Variants in ITFG1 observed in about 807,000 individuals in gnomAD.
ITFG1 encodes the protein integrin alpha FG-GAP repeat containing 1.
A neutral mutation model predicts 81.8 loss-of-function variants in ITFG1; 34 were observed. The observed-to-expected ratio is 0.42, with a 90% CI of 0.32 to 0.55. The LOEUF is 0.55. Ranked by LOEUF, ITFG1 falls within the 20% of genes least tolerant of loss-of-function variation. ITFG1 has a pLI of 0.17. For missense variants in ITFG1, 672 were observed against 755.4 expected, an observed-to-expected ratio of 0.89 and a Z score of 1.29; for synonymous variants, 285 against 270.6, an observed-to-expected ratio of 1.05 and a Z score of -0.52.
intron 5 of ITFG1, among the ~76,000 whole-genome samples, chr16:47,434,705 A>T (rs1033712288): frequency 6.6e-6 from 1 of 152,150 alleles, no homozygotes; most frequent in African/African-American, 2.4e-5. Flanking sequence ...CTGGGTATAC[A>T]CACAAAGCAC....
intron 10 of ITFG1, among the ~76,000 whole-genome samples, chr16:47,306,592 T>G (rs115485558): frequency 0.02 from 3,089 of 152,062 alleles, 104 homozygotes; most frequent in African/African-American, 0.07. Context: ...TAAAAGCACT[T>G]AATAGAAAAC....
rs1210705231 is a variant in ITFG1, at chr16:47,206,901, C to G, written c.1453+11967G>C. ...CAACTCAACTCCTAAGTTTTCTACC[C>G]AAGAGAGGCCCTCCCTGATCAACCA... On this transcript the variant is annotated intron_variant, in intron 14 of 17. Coordinates refer to ENST00000320640, the MANE Select transcript of ITFG1 (RefSeq NM_030790.5). Among the ~76,000 whole-genome samples the G allele has an allele frequency of 2.0e-5, 3 of 152,214 alleles. No homozygotes were observed. The South Asian group carries it at 6.2e-4, about 32-fold the overall frequency.
chr16:47,356,438 G>A (rs1968041020), intron 8 of ITFG1, among the ~76,000 whole-genome samples: 1 of 152,110 alleles, frequency 6.6e-6, no homozygotes, highest in Admixed American at 6.5e-5. Flanking sequence ...GATAGGCAGG[G>A]GCAAGTTAAA....
intron 14 of ITFG1, among the ~76,000 whole-genome samples, chr16:47,171,787 T>C (rs924430550): frequency 8.5e-5 from 13 of 152,216 alleles, no homozygotes; most frequent in Non-Finnish European, 7.3e-5. Context: ...TTATCTTCCT[T>C]AAGTTAACCA....
At chr16:47,329,928 G>A (rs1423336627) in intron 8 of ITFG1, among the ~76,000 whole-genome samples, 1 of 152,106 alleles carries the variant, frequency 6.6e-6, no homozygotes, top group African/African-American at 2.4e-5. Context: ...ACACTCAGAA[G>A]TGTCAAATGG....
At chr16:47,352,004 A>T (rs887393442) in intron 8 of ITFG1, among the ~76,000 whole-genome samples, 2 of 152,238 alleles carry the variant, frequency 1.3e-5, no homozygotes, top group Non-Finnish European at 2.9e-5. Context: ...CTGGCTAGCC[A>T]TATGTAGAAA....
intron 5 of ITFG1, among the ~76,000 whole-genome samples, chr16:47,430,057 CTTTTTTTTTTT>C (rs920966590): frequency 8.2e-6 from 1 of 122,016 alleles, no homozygotes; most frequent in Non-Finnish European, 1.8e-5. Flanking sequence ...TTTTACTTTT[CTTTTTTTTTTT>C]TTTTTTTGAA....
chr16:47,349,220 T>C (rs1967910607), intron 8 of ITFG1, among the ~76,000 whole-genome samples: 1 of 152,194 alleles, frequency 6.6e-6, no homozygotes, highest in South Asian at 2.1e-4. Context: ...ATATTAACAT[T>C]ACATGTAAAT....
intron 5 of ITFG1, among the ~76,000 whole-genome samples, chr16:47,450,758 T>C (rs1361204898): frequency 1.3e-5 from 2 of 152,192 alleles, no homozygotes; most frequent in East Asian, 1.9e-4. Flanking sequence ...GTTGAAGGTA[T>C]CTTATGAAAA....
chr16:47,237,427 C>T (rs538496991), intron 13 of ITFG1, among the ~76,000 whole-genome samples: 31 of 152,332 alleles, frequency 2.0e-4, no homozygotes, highest in African/African-American at 7.0e-4. Flanking sequence ...CACACAAACA[C>T]ATGCATGCTT....
intron 14 of ITFG1, among the ~76,000 whole-genome samples, chr16:47,214,348 G>C (rs1300053652): frequency 6.6e-6 from 1 of 152,204 alleles, no homozygotes; most frequent in Non-Finnish European, 1.5e-5. Flanking sequence ...AAATGATTTT[G>C]CTCTGGATTT....
chr16:47,179,639 T>A (rs1468774215), intron 14 of ITFG1, among the ~76,000 whole-genome samples: 2 of 151,370 alleles, frequency 1.3e-5, no homozygotes, highest in Non-Finnish European at 2.9e-5. Context: ...TGTTTTTATT[T>A]AAAAAAAAAG....
intron 4 of ITFG1, among the ~76,000 whole-genome samples, chr16:47,452,289 T>G (rs1969399233): frequency 6.6e-6 from 1 of 152,162 alleles, no homozygotes; most frequent in Non-Finnish European, 1.5e-5. Context: ...CATCAATTAT[T>G]TAAATCAATT....
intron 16 of ITFG1, 80 bp downstream of exon 16, chr16:47,161,670 G>C: frequency 3.3e-6 from 3 of 897,960 alleles, no homozygotes; most frequent in Non-Finnish European, 5.5e-6. Context: ...AGGAATATGA[G>C]AGAGCTTAAA....
At chr16:47,178,913 A>C (rs977088706) in intron 14 of ITFG1, among the ~76,000 whole-genome samples, 1 of 152,338 alleles carries the variant, frequency 6.6e-6, no homozygotes, top group Non-Finnish European at 1.5e-5. Flanking sequence ...AAAAGTGGGC[A>C]AAGGATATGA....
intron 14 of ITFG1, among the ~76,000 whole-genome samples, chr16:47,205,977 T>C (rs984981781): frequency 6.6e-6 from 1 of 152,106 alleles, no homozygotes; most frequent in African/African-American, 2.4e-5. Context: ...GCTACTCTCC[T>C]GCCTCAGCCC....
intron 12 of ITFG1, among the ~76,000 whole-genome samples, chr16:47,248,044 A>G (rs1966023112): frequency 6.6e-6 from 1 of 151,516 alleles, no homozygotes; most frequent in Admixed American, 6.5e-5. Context: ...GTAACATTAC[A>G]TACATACTCA....
intron 5 of ITFG1, among the ~76,000 whole-genome samples, chr16:47,434,911 A>C (rs1969145527): frequency 6.6e-6 from 1 of 152,198 alleles, no homozygotes; most frequent in African/African-American, 2.4e-5. Context: ...TATCCTCAGC[A>C]AACTGACACA....
chr16:47,180,972 G>A lies in ITFG1; in HGVS notation c.1454-18308C>T, dbSNP rs1236327637. On this transcript the variant is annotated intron_variant, in intron 14 of 17. Transcript: ENST00000320640. Reference sequence around the variant, plus strand: ...TGCCCGGCCGCCCATCATCTGGGATGTGAGAAGCCCCTCTGCCTGGCTGCC... The same window carrying A: ...TGCCCGGCCGCCCATCATCTGGGATATGAGAAGCCCCTCTGCCTGGCTGCC... Among the ~76,000 whole-genome samples the A allele has an allele frequency of 2.7e-5, 4 of 149,750 alleles. No homozygotes were observed. In the East Asian group the frequency reaches 8.0e-4, roughly 30 times the overall value.
Sources: gnomAD v4.1 joint callset for allele counts (sites outside exome capture counted in the v4.1 genomes callset) on GRCh38, gnomAD v4.1.1 for gene constraint, MANE v1.5 for transcripts, NCBI Gene and HGNC (gene_info 2026-07-23, HGNC 2026-07-21) for gene names.